The following GTF3C2 variants were observed in gnomAD, a reference collection of about 807,000 sequenced individuals.
The protein encoded by GTF3C2 is general transcription factor IIIC subunit 2.
A neutral mutation model predicts 117.4 loss-of-function variants in GTF3C2; 17 were observed. The ratio of observed to expected loss-of-function variants is 0.14; its 90% CI spans 0.10 to 0.22. GTF3C2 has a LOEUF of 0.22. Ranked by LOEUF, GTF3C2 falls within the 10% of genes least tolerant of loss-of-function variation. GTF3C2 has a pLI of 1.00. For missense variants in GTF3C2, 888 were observed against 1,143.6 expected (o/e 0.78, Z 3.22); for synonymous variants, 437 against 427.0 (o/e 1.02, Z -0.29).
chr2:27,353,190 C>G (rs1215416569), intron 1 of GTF3C2, among the ~76,000 whole-genome samples: 2 of 151,994 alleles, frequency 1.3e-5, no homozygotes, highest in African/African-American at 4.8e-5. Context: ...GTCAGGAGAT[C>G]GAGACCATCC....
At chr2:27,343,395 G>A (rs1219770961) in exon 2 of GTF3C2, 1 of 1,613,864 alleles carries the variant, frequency 6.2e-7, no homozygotes. Context: ...AAAGGGGTAG[G>A]TAATGACATC....
chr2:27,338,088 C>T, intron 4 of GTF3C2, 68 bp from the exon 5 acceptor site: 1 of 932,362 alleles, frequency 1.1e-6, no homozygotes, highest in Non-Finnish European at 1.8e-6. Context: ...CCAGAGACAG[C>T]TCTTTCCCAG....
intron 7 of GTF3C2, 33 bp from the exon 8 acceptor site, chr2:27,336,458 GAATT>G: frequency 7.5e-7 from 1 of 1,332,434 alleles, no homozygotes; most frequent in Non-Finnish European, 1.1e-6. Flanking sequence ...ATGAAGAAAG[GAATT>G]AATGAAAGGT....
chr2:27,343,365 G>C, exon 2 of GTF3C2: 1 of 1,614,034 alleles, frequency 6.2e-7, no homozygotes, highest in Non-Finnish European at 8.5e-7. Context: ...CTCTGATCAG[G>C]AGAATCCTCA....
intron 12 of GTF3C2, among the ~76,000 whole-genome samples, chr2:27,332,854 T>G (rs1680326887): frequency 6.6e-6 from 1 of 151,934 alleles, no homozygotes; most frequent in South Asian, 2.1e-4. Flanking sequence ...TAGTTGGGAC[T>G]ACAGGTGCAA....
At position 27,336,433 on chromosome 2, in the gene GTF3C2, A is replaced by G; in HGVS notation, c.1128-8T>C. 6.6e-7 allele frequency: 1 copy of G among 1,514,136 alleles called. No homozygotes were observed. Among genetic ancestry groups the G allele is most frequent in the Non-Finnish European group, 9.2e-7 (1 of 1,089,696 alleles). The allele number at this position is 1,514,136 out of a possible 1,614,324, so 93.8% of individuals were successfully genotyped here. A position where few individuals can be genotyped will look rare whatever the true frequency, so the allele number is the denominator to read the frequency against. On this transcript the variant is annotated splice_polypyrimidine_tract_variant and splice_region_variant and intron_variant, in intron 7 of 18. Transcript: ENST00000264720. ...GCTGTGATCGAGCTAAATCTAGAGA[A>G]AAATCAAAGATGGGATGAAGAAAGG...
At chr2:27,334,045 TCAG>T in intron 10 of GTF3C2, 46 bp from the exon 11 acceptor site, 1 of 1,481,636 alleles carries the variant, frequency 6.7e-7, no homozygotes, top group Non-Finnish European at 9.4e-7. Flanking sequence ...TCCCAAGGAC[TCAG>T]CAGGTCTTAC....
At chr2:27,336,126 C>T in intron 8 of GTF3C2, 72 bp downstream of exon 8, 1 of 1,421,714 alleles carries the variant, frequency 7.0e-7, no homozygotes. Flanking sequence ...CAAGCCCTTC[C>T]CCCTATCCTG....
At chr2:27,326,986 C>A in intron 18 of GTF3C2, 93 bp from the exon 19 acceptor site, 3 of 803,378 alleles carry the variant, frequency 3.7e-6, no homozygotes, top group Non-Finnish European at 6.0e-6. Context: ...AAATGAGCCA[C>A]AATCTGAAAG....
intron 1 of GTF3C2, chr2:27,356,423 G>A: frequency 3.9e-6 from 1 of 254,472 alleles, no homozygotes; most frequent in South Asian, 4.2e-5. Context: ...AAGGACTACT[G>A]TAGGTTCGCC....
chr2:27,330,519 C>G (rs948297446), intron 12 of GTF3C2, among the ~76,000 whole-genome samples: 1 of 151,610 alleles, frequency 6.6e-6, no homozygotes, highest in Non-Finnish European at 1.5e-5. Context: ...ACAAAGAGAA[C>G]AGGCAAAAAG....
rs932037780 is a variant in GTF3C2, at chr2:27,343,248, C to G, written c.247+60G>C. ...GTTTGTAAGATCCTATGAGCTCAATCTGCTCTTTCATCTTAAGCTTGGCAT... is the reference window on the plus strand; with the variant it reads ...GTTTGTAAGATCCTATGAGCTCAATGTGCTCTTTCATCTTAAGCTTGGCAT... On this transcript the variant is annotated intron_variant, in intron 2 of 18. Transcript: ENST00000264720. The G allele has an allele frequency of 4.5e-6, 7 of 1,563,700 alleles. No homozygotes were observed. The South Asian group carries it at 8.1e-5, about 18-fold the overall frequency.
At chr2:27,342,548 G>T (rs1558619874) in intron 3 of GTF3C2, 1 of 551,690 alleles carries the variant, frequency 1.8e-6, no homozygotes, top group Admixed American at 3.2e-5. Flanking sequence ...TATATATACT[G>T]ACATATACTG....
intron 7 of GTF3C2, 99 bp from the exon 8 acceptor site, chr2:27,336,524 CA>C: frequency 1.4e-6 from 1 of 691,544 alleles, no homozygotes; most frequent in Non-Finnish European, 2.6e-6. Context: ...CTGGCTCAAG[CA>C]AGAGCCTGAA....
At chr2:27,334,421 A>C (rs1680384999) in intron 10 of GTF3C2, among the ~76,000 whole-genome samples, 1 of 150,466 alleles carries the variant, frequency 6.6e-6, no homozygotes, top group Admixed American at 6.6e-5. Flanking sequence ...CCTTCACTCT[A>C]CTCTCTTCTC....
At chr2:27,334,560 T>A (rs894543048) in intron 10 of GTF3C2, among the ~76,000 whole-genome samples, 3 of 151,998 alleles carry the variant, frequency 2.0e-5, no homozygotes, top group Non-Finnish European at 4.4e-5. Context: ...ATGTCTCCTA[T>A]CCAAATAAAG....
chr2:27,342,941 G>T (rs1488720397), exon 3 of GTF3C2: 2 of 1,614,112 alleles, frequency 1.2e-6, no homozygotes, highest in Non-Finnish European at 1.7e-6. Context: ...TTCAGCAGCA[G>T]CAGCTCTGCC....
At chr2:27,332,330 TCTTTC>T (rs1470779322) in intron 12 of GTF3C2, among the ~76,000 whole-genome samples, 2 of 151,694 alleles carry the variant, frequency 1.3e-5, no homozygotes, top group Non-Finnish European at 2.9e-5. Flanking sequence ...TTTATAAAAC[TCTTTC>T]CTCTAATCTT....
rs1680186708 is a variant in GTF3C2 at position 27,328,947 on chromosome 2, T to TA, written c.2040-17dup. On this transcript the variant is annotated splice_polypyrimidine_tract_variant and intron_variant, in intron 14 of 18. Coordinates refer to ENST00000264720, the Ensembl canonical transcript of GTF3C2. ...GAGTCCATAACTGTTAAAAGAGAAA[T>TA]AAATTTAAACCTTCCTTTTCTTTAG... 2 of 1,561,842 alleles carry TA rather than the reference T, an allele frequency of 1.3e-6. No homozygotes were observed. Among genetic ancestry groups the TA allele is most frequent in the African/African-American group, 2.7e-5 (2 of 73,642 alleles).
Sources: gnomAD v4.1 joint callset for allele counts (sites outside exome capture counted in the v4.1 genomes callset) on GRCh38, gnomAD v4.1.1 for gene constraint, MANE v1.5 for transcripts, NCBI Gene and HGNC (gene_info 2026-07-23, HGNC 2026-07-21) for gene names.